Variants in SCNN1G observed in about 807,000 individuals in gnomAD.
The protein encoded by SCNN1G is epithelial sodium channel subunit gamma.
In SCNN1G, 27 loss-of-function variants were observed where a neutral mutation model predicts 64.6. The observed-to-expected ratio is 0.42, with a 90% CI of 0.31 to 0.58. The LOEUF (loss-of-function observed/expected upper bound fraction) is 0.58. SCNN1G is among the 20% of genes least tolerant of loss of function. SCNN1G has a pLI of 0.18. For missense variants in SCNN1G, 743 were observed against 823.4 expected, an observed-to-expected ratio of 0.90 and a Z score of 1.19; for synonymous variants, 330 against 314.2, an observed-to-expected ratio of 1.05 and a Z score of -0.53.
At chr16:23,185,661 C>A (rs921714321) in intron 1 of SCNN1G, among the ~76,000 whole-genome samples, 2 of 152,158 alleles carry the variant, frequency 1.3e-5, no homozygotes, top group Non-Finnish European at 2.9e-5. Flanking sequence ...AATAAAGCCT[C>A]AGAGAAAAGG....
At chr16:23,183,064 G>A (rs1174932686) in intron 1 of SCNN1G, among the ~76,000 whole-genome samples, 2 of 152,202 alleles carry the variant, frequency 1.3e-5, no homozygotes, top group Non-Finnish European at 2.9e-5. Flanking sequence ...GGGGTCTGGG[G>A]GTCCCGGGCC....
intron 6 of SCNN1G, among the ~76,000 whole-genome samples, chr16:23,207,413 G>A (rs1043050729): frequency 6.6e-6 from 1 of 152,238 alleles, no homozygotes; most frequent in Non-Finnish European, 1.5e-5. Flanking sequence ...CTTAGAGGAT[G>A]GCAAGGAATT....
intron 3 of SCNN1G, among the ~76,000 whole-genome samples, chr16:23,189,994 C>T (rs1020506963): frequency 5.3e-5 from 8 of 151,906 alleles, no homozygotes; most frequent in Admixed American, 2.0e-4. Flanking sequence ...TGCTTGAACC[C>T]GGGAGGTGGA....
At chr16:23,192,290 G>A (rs1339935122) in intron 3 of SCNN1G, 62 bp from the exon 4 acceptor site, 7 of 1,332,688 alleles carry the variant, frequency 5.3e-6, no homozygotes, top group Non-Finnish European at 7.6e-6. Flanking sequence ...CATTCTTATG[G>A]TCCTTCTGAA....
rs1339415321 is a variant in SCNN1G at position 23,186,425 on chromosome 16, C to G, written c.154C>G (p.Arg52Gly). 6.2e-7 allele frequency: 1 copy of G among 1,614,200 alleles called. No individual in the cohort carries two copies. Among genetic ancestry groups the G allele is most frequent in the Non-Finnish European group, 8.5e-7 (1 of 1,180,048 alleles). The change falls in exon 2 of 13, where the codon CGC becomes GGC. Residue 52 changes from arginine (R) to glycine (G), a missense_variant. Coordinates refer to ENST00000300061, the MANE Select transcript of SCNN1G (RefSeq NM_001039.4). ...CATCGTGGTGTCCCGCGGCCGTCTGCGCCGCCTCCTCTGGATCGGGTTCAC... is the reference window on the plus strand; with the variant it reads ...CATCGTGGTGTCCCGCGGCCGTCTGGGCCGCCTCCTCTGGATCGGGTTCAC... ...RRIVVSRGRL[R>G]RLLWIGFTLT...
chr16:23,215,157 C>T lies in SCNN1G; in HGVS notation c.1638C>T (p.Val546=). The change falls in exon 13 of 13, where the codon GTC becomes GTT. Residue 546 remains valine (V), a synonymous_variant. Coordinates refer to ENST00000300061, the MANE Select transcript of SCNN1G (RefSeq NM_001039.4). Reference sequence around the variant, plus strand: ...GGATGAGCTGCTCTGTTGTCTGCGTCATCGAGATCATCGAGGTCTTCTTCA... The same window carrying T: ...GGATGAGCTGCTCTGTTGTCTGCGTTATCGAGATCATCGAGGTCTTCTTCA... The part of the protein sequence containing the change: ...GLWMSCSVVC[V]IEIIEVFFID... 6.2e-7 allele frequency: 1 copy of T among 1,614,140 alleles called. No individual in the cohort carries two copies.
Position 23,186,231 on chromosome 16 carries a change from G to C in SCNN1G, c.-41G>C, listed in dbSNP as rs373149743. 6.2e-7 allele frequency: 1 copy of C among 1,604,612 alleles called. No homozygotes were observed. On this transcript the variant is annotated 5_prime_UTR_variant, in exon 2 of 13. Transcript: ENST00000300061. ...CTTCTCTTCTTTGCCCCTCCAGCAC[G>C]CCCGTCCTCAGAGTCCCGTCCTCAA...
At chr16:23,188,106 C>G (rs1255100173) in intron 2 of SCNN1G, among the ~76,000 whole-genome samples, 1 of 152,158 alleles carries the variant, frequency 6.6e-6, no homozygotes, top group Non-Finnish European at 1.5e-5. Flanking sequence ...CTGTCATGCA[C>G]TGTACTAGGT....
chr16:23,204,344 G>GAGAGAGAT (rs1555474965), intron 6 of SCNN1G, among the ~76,000 whole-genome samples: 1 of 110,818 alleles, frequency 9.0e-6, no homozygotes. Context: ...TAGAGAGAGA[G>GAGAGAGAT]AGAGAGAGAG....
chr16:23,207,065 T>C (rs1235907283), intron 6 of SCNN1G, among the ~76,000 whole-genome samples: 1 of 152,220 alleles, frequency 6.6e-6, no homozygotes. Flanking sequence ...GAAAACAACC[T>C]GAACCTTTCA....
chr16:23,214,335 A>C (rs1960126277), intron 11 of SCNN1G, among the ~76,000 whole-genome samples: 1 of 152,226 alleles, frequency 6.6e-6, no homozygotes, highest in Non-Finnish European at 1.5e-5. Context: ...GCTTGTTGCC[A>C]TTGTGCCTAT....
At position 23,212,671 on chromosome 16, in the gene SCNN1G, C is replaced by G; in HGVS notation, c.1295-7C>G. ...AAGCTCATGCTGCCCTCTCCCTTGTCCCTCAGTGTATTGTTACTACCAACT... is the reference window on the plus strand; with the variant it reads ...AAGCTCATGCTGCCCTCTCCCTTGTGCCTCAGTGTATTGTTACTACCAACT... On this transcript the variant is annotated splice_polypyrimidine_tract_variant and splice_region_variant and intron_variant, in intron 8 of 12. Transcript: ENST00000300061. 6.2e-7 allele frequency: 1 copy of G among 1,612,276 alleles called. No homozygotes were observed. The highest frequency in any genetic ancestry group is 8.5e-7 in the Non-Finnish European group (1 of 1,178,304).
rs1212378399 is a variant in SCNN1G, at chr16:23,212,745, G to A, written c.1362G>A (p.Lys454=). ...AGCTGGGCTGCCAGTCTGTGTGCAA[G>A]GAAGCCTGCAGGTATGTGGACCCCA... ...QEELGCQSVC[K]EACSFKEWTL... Residue 454 remains lysine (K), a synonymous_variant, in exon 9 of 13, where the codon AAG becomes AAA. Transcript: ENST00000300061. The A allele has an allele frequency of 1.2e-6, 2 of 1,614,186 alleles. No individual in the cohort carries two copies. The highest frequency in any genetic ancestry group is 4.5e-5 in the East Asian group (2 of 44,878).
intron 8 of SCNN1G, among the ~76,000 whole-genome samples, chr16:23,212,426 A>G (rs541690200): frequency 6.6e-6 from 1 of 152,358 alleles, no homozygotes; most frequent in Admixed American, 6.5e-5. Context: ...TGGCTTGCCC[A>G]AGGTCACACA....
intron 5 of SCNN1G, among the ~76,000 whole-genome samples, chr16:23,195,450 GA>G (rs1265973830): frequency 6.6e-6 from 1 of 152,134 alleles, no homozygotes; most frequent in Non-Finnish European, 1.5e-5. Flanking sequence ...CATGCAAATT[GA>G]AAATGATGTG....
intron 6 of SCNN1G, among the ~76,000 whole-genome samples, chr16:23,201,711 A>T (rs563388147): frequency 6.6e-6 from 1 of 152,312 alleles, no homozygotes; most frequent in South Asian, 2.1e-4. Context: ...AACTTCCTTT[A>T]TTCACTGAGA....
Position 23,212,042 on chromosome 16 carries a change from T to G in SCNN1G, c.1185T>G (p.Leu395=), listed in dbSNP as rs1265498623. The change falls in exon 8 of 13, where the codon CTT becomes CTG. Residue 395 remains leucine, a synonymous_variant. Transcript: ENST00000300061. The stretch of plus-strand genomic sequence containing the variant: ...TGGGTCTCCTCTTTCAGATCTGCCT[T>G]CATTCATGCTTCCAGACAAAGATGG... The part of the protein sequence containing the change: ...YNAAYSLQIC[L]HSCFQTKMVE... The G allele has an allele frequency of 1.2e-6, 2 of 1,611,342 alleles. No homozygotes were observed. Among genetic ancestry groups the G allele is most frequent in the African/African-American group, 2.7e-5 (2 of 74,796 alleles).
At chr16:23,202,839 G>C (rs1460542939) in intron 6 of SCNN1G, among the ~76,000 whole-genome samples, 1 of 152,170 alleles carries the variant, frequency 6.6e-6, no homozygotes, top group African/African-American at 2.4e-5. Flanking sequence ...CCAAGGGCAG[G>C]GTATGTTTTT....
chr16:23,193,256 G>A (rs1356862645), intron 4 of SCNN1G, among the ~76,000 whole-genome samples: 1 of 152,088 alleles, frequency 6.6e-6, no homozygotes, highest in African/African-American at 2.4e-5. Context: ...GATGGGAGGA[G>A]AAAGGCCCAT....
Sources: allele counts gnomAD v4.1 joint callset (sites outside exome capture counted in the v4.1 genomes callset), GRCh38; gene constraint gnomAD v4.1.1; transcripts MANE v1.5; gene names NCBI Gene and HGNC (gene_info 2026-07-23, HGNC 2026-07-21).